TULP1: variants seen among roughly 807,000 people sequenced by gnomAD.
TULP1 encodes tubby-related protein 1.
TULP1 carries 50 observed loss-of-function variants against 67.1 expected under a neutral mutation model. The ratio of observed to expected loss-of-function variants is 0.75; its 90% CI spans 0.59 to 0.94. The LOEUF (loss-of-function observed/expected upper bound fraction) is 0.94. Among genes scored for constraint, TULP1 ranks in the 40% least tolerant of loss-of-function variants. TULP1 has a pLI of 0.00. For synonymous variants in TULP1, 297 were observed against 294.0 expected (o/e 1.01, Z -0.11); for missense variants, 746 against 734.1 (o/e 1.02, Z -0.19).
chr6:35,507,140 A>G (rs1406342600), intron 8 of TULP1, among the ~76,000 whole-genome samples: 1 of 150,184 alleles, frequency 6.7e-6, no homozygotes, highest in Admixed American at 6.7e-5. Context: ...TGTGGCTTCT[A>G]TATGGCTCTC....
Position 35,499,791 on chromosome 6 carries a change from C to T in TULP1, c.1495+190G>A, listed in dbSNP as rs574493486. Among the ~76,000 whole-genome samples, 64 of 152,326 alleles carry T rather than the reference C, an allele frequency of 4.2e-4. 2 individuals are homozygous for T. The South Asian group carries it at 0.012, about 29-fold the overall frequency. On this transcript the variant is annotated intron_variant, in intron 14 of 14. Transcript: ENST00000229771. Reference sequence around the variant, plus strand: ...GAAGTGATGAGCCCCAAGACACCTGCTTAGAATATCTGAGGCTCCTGAGAG... The same window carrying T: ...GAAGTGATGAGCCCCAAGACACCTGTTTAGAATATCTGAGGCTCCTGAGAG...
At chr6:35,506,244 A>C in intron 9 of TULP1, 30 bp downstream of exon 9, 1 of 1,602,754 alleles carries the variant, frequency 6.2e-7, no homozygotes, top group Non-Finnish European at 8.5e-7. Flanking sequence ...CCCAGTGCTG[A>C]GACACGGGCA....
At chr6:35,505,875 T>C (rs1761070184) in intron 10 of TULP1, 22 bp from the exon 11 acceptor site, 3 of 1,613,884 alleles carry the variant, frequency 1.9e-6, no homozygotes, top group Non-Finnish European at 2.5e-6. Flanking sequence ...GGGAGACAGG[T>C]GAGAGGATGG....
Position 35,498,532 on chromosome 6 carries a change from A to G in TULP1, c.1496-72T>C. On this transcript the variant is annotated intron_variant, in intron 14 of 14. Coordinates refer to ENST00000229771, the MANE Select transcript of TULP1 (RefSeq NM_003322.6). This position sits in a 1 kb window ranked among gnomAD's most constrained non-coding sequence, Gnocchi z 6.7. The stretch of plus-strand genomic sequence containing the variant: ...CCCCATCCTGGCAGACAGTGCCCTC[A>G]ACCTTGGGGGCAGTCTGTCCCTTGC... 6.2e-7 allele frequency: 1 copy of G among 1,605,200 alleles called. No homozygotes were observed. Among genetic ancestry groups the G allele is most frequent in the Non-Finnish European group, 8.5e-7 (1 of 1,176,682 alleles).
At chr6:35,505,024 C>T (rs920285821) in intron 11 of TULP1, among the ~76,000 whole-genome samples, 5 of 152,106 alleles carry the variant, frequency 3.3e-5, no homozygotes, top group South Asian at 2.1e-4. Flanking sequence ...GCAACCTCCC[C>T]GTCTTGGGTT....
intron 8 of TULP1, among the ~76,000 whole-genome samples, chr6:35,506,799 A>G (rs913885770): frequency 2.6e-5 from 4 of 152,120 alleles, no homozygotes; most frequent in Non-Finnish European, 4.4e-5. Flanking sequence ...AGTTTTGTCC[A>G]ATCTCCTATG....
chr6:35,504,983 T>G (rs1484107099), intron 11 of TULP1, among the ~76,000 whole-genome samples: 4 of 152,064 alleles, frequency 2.6e-5, no homozygotes, highest in Non-Finnish European at 4.4e-5. Flanking sequence ...TCACCCAGGC[T>G]GGAAGTGCAG....
chr6:35,503,506 C>T lies in TULP1; in HGVS notation c.1323+53G>A, dbSNP rs778303143. On this transcript the variant is annotated intron_variant, in intron 13 of 14. Transcript: ENST00000229771. This position sits in a 1 kb window ranked among gnomAD's most constrained non-coding sequence, Gnocchi z 4.0. ...GTTGGCTATTTCCTAAGCTGAGCCC[C>T]GACTCCTGTTTCTCACATAGGGAGC... The T allele has an allele frequency of 5.6e-5, 86 of 1,526,514 alleles. No homozygotes were observed. The African/African-American group carries it at 9.2e-4, about 16-fold the overall frequency. 94.6% of individuals were successfully genotyped at this position (1,526,514 alleles called of 1,614,324 possible).
At position 35,510,438 on chromosome 6, in the gene TULP1, T is replaced by C. The variant is rs563339502; in HGVS notation, c.499+423A>G. 4.6e-5 allele frequency among the ~76,000 whole-genome samples: 7 copies of C among 152,300 alleles called. No homozygotes were observed. In the South Asian group the frequency reaches 1.4e-3, roughly 32 times the overall value. On this transcript the variant is annotated intron_variant, in intron 5 of 14. Transcript: ENST00000229771. Reference sequence around the variant, plus strand: ...TCTCTGCTTCAGAGGCCCAAGGTCCTAGCTCTAGGCCAGGCTGCTGGTCCC... The same window carrying C: ...TCTCTGCTTCAGAGGCCCAAGGTCCCAGCTCTAGGCCAGGCTGCTGGTCCC...
intron 8 of TULP1, among the ~76,000 whole-genome samples, chr6:35,508,004 G>C (rs771651237): frequency 1.3e-5 from 2 of 152,084 alleles, no homozygotes; most frequent in Middle Eastern, 6.8e-3. Context: ...TAGTAGAGAT[G>C]GGGTTTCACC....
rs1768740713 is a variant in TULP1, at chr6:35,498,124, C to T, written c.*203G>A. 4 of 812,020 alleles carry T rather than the reference C, an allele frequency of 4.9e-6. No homozygotes were observed. The African/African-American group carries it at 5.2e-5, about 11-fold the overall frequency. 50.3% of individuals were successfully genotyped at this position (812,020 alleles called of 1,614,324 possible). On this transcript the variant is annotated 3_prime_UTR_variant, in exon 15 of 15. Transcript: ENST00000229771. The surrounding 1 kb of genome is among the most constrained non-coding windows in gnomAD (Gnocchi z 6.7). ...TCCAACTCCAGATGTTCTTCATCTC[C>T]GTCCTACCCGCCGTCCGGGCTCCTC...
chr6:35,499,941 G>A, intron 14 of TULP1, 40 bp downstream of exon 14: 1 of 1,611,414 alleles, frequency 6.2e-7, no homozygotes, highest in Admixed American at 1.7e-5. Context: ...CATCCTGGGG[G>A]TGGTGGAGAA....
chr6:35,498,540 G>T lies in TULP1; in HGVS notation c.1496-80C>A. The T allele has an allele frequency of 6.3e-7, 1 of 1,599,578 alleles. No individual in the cohort carries two copies. On this transcript the variant is annotated intron_variant, in intron 14 of 14. Transcript: ENST00000229771. This position sits in a 1 kb window ranked among gnomAD's most constrained non-coding sequence, Gnocchi z 6.7. ...TGGCAGACAGTGCCCTCAACCTTGG[G>T]GGCAGTCTGTCCCTTGCCTTGGGGC...
At position 35,506,901 on chromosome 6, in the gene TULP1, C is replaced by T. The variant is rs1761098840; in HGVS notation, c.823-622G>A. Among the ~76,000 whole-genome samples the T allele has an allele frequency of 2.6e-5, 4 of 152,136 alleles. No individual in the cohort carries two copies. In the South Asian group the frequency reaches 8.3e-4, roughly 31 times the overall value. On this transcript the variant is annotated intron_variant, in intron 8 of 14. Transcript: ENST00000229771. The stretch of plus-strand genomic sequence containing the variant: ...ACAGAATGGACTGCTGTGTTCTAAG[C>T]ACTATGGAAGTGTTAGCTGCTACTC...
chr6:35,499,581 A>G (rs1768783490), intron 14 of TULP1, among the ~76,000 whole-genome samples: 1 of 152,206 alleles, frequency 6.6e-6, no homozygotes, highest in Non-Finnish European at 1.5e-5. Context: ...TAACTTCCTG[A>G]AGTTGCTGAG....
chr6:35,501,811 C>CAAAACA (rs895346544), intron 13 of TULP1, among the ~76,000 whole-genome samples: 12 of 152,294 alleles, frequency 7.9e-5, no homozygotes, highest in Admixed American at 2.6e-4. Context: ...GACTCCGTCT[C>CAAAACA]AAAACAAAAA....
intron 8 of TULP1, among the ~76,000 whole-genome samples, chr6:35,508,630 C>G (rs1761127321): frequency 6.6e-6 from 1 of 152,164 alleles, no homozygotes; most frequent in African/African-American, 2.4e-5. Flanking sequence ...TGTTTGGGAG[C>G]AGGGGCAATA....
rs775542906 is a variant in TULP1 at position 35,511,069 on chromosome 6, C to T, written c.350-59G>A. 1.9e-6 allele frequency: 3 copies of T among 1,596,598 alleles called. No individual in the cohort carries two copies. The South Asian group carries it at 3.3e-5, about 18-fold the overall frequency. On this transcript the variant is annotated intron_variant, in intron 4 of 14. Coordinates refer to ENST00000229771, the MANE Select transcript of TULP1 (RefSeq NM_003322.6). ...AGCCGGGCCCTCCTTATCTGGGGAG[C>T]CCAGTTCCTCCAGACTGCTGGGAAG...
At chr6:35,510,681 A>C in intron 5 of TULP1, 180 bp downstream of exon 5, 2 of 1,394,558 alleles carry the variant, frequency 1.4e-6, no homozygotes, top group East Asian at 2.5e-5. Flanking sequence ...GTGGAGGCAT[A>C]TATTGGTCTA....
Sources: allele counts gnomAD v4.1 joint callset (sites outside exome capture counted in the v4.1 genomes callset), GRCh38; gene constraint gnomAD v4.1.1; non-coding constraint Gnocchi (gnomAD v3.1); transcripts MANE v1.5; gene names NCBI Gene and HGNC (gene_info 2026-07-23, HGNC 2026-07-21).